The following AMPH variants were observed in gnomAD, a reference collection of about 807,000 sequenced individuals.
AMPH encodes amphiphysin (Stiff-Mann syndrome with breast cancer 128kD autoantigen).
A neutral mutation model predicts 99.1 loss-of-function variants in AMPH; 49 were observed. That is an observed-to-expected ratio of 0.49 (90% CI 0.39 to 0.63). AMPH has a LOEUF of 0.63. Among genes scored for constraint, AMPH ranks in the 20% least tolerant of loss-of-function variants. AMPH has a pLI of 0.00. For missense variants in AMPH, 759 were observed against 863.4 expected, an observed-to-expected ratio of 0.88 and a Z score of 1.52; for synonymous variants, 314 against 317.3, an observed-to-expected ratio of 0.99 and a Z score of 0.11.
At chr7:38,485,915 T>C (rs995991686) in intron 5 of AMPH, among the ~76,000 whole-genome samples, 3 of 151,896 alleles carry the variant, frequency 2.0e-5, no homozygotes, top group African/African-American at 7.2e-5. Flanking sequence ...TTAAAAAGTA[T>C]CTCAGCACAA....
chr7:38,422,465 A>G lies in AMPH; in HGVS notation c.1228T>C (p.Ser410Pro), dbSNP rs139811167. 42 of 1,613,420 alleles carry G rather than the reference A, an allele frequency of 2.6e-5. No homozygotes were observed. In the East Asian group the frequency reaches 7.6e-4, roughly 29 times the overall value. Residue 410 changes from serine (S) to proline (P), a missense_variant, in exon 16 of 21, where the codon TCA becomes CCA. This residue lies in a region of AMPH where 554 missense variants were observed against 575.6 expected (regional missense o/e 0.96). Transcript: ENST00000356264. ...FNGFTQPQDT[S>P]LFTMQTDQSM... ...TGGTCTGTCTGCATTGTGAATAATG[A>G]AGTATCCTGGGGCTGAAAATCAAGG...
chr7:38,501,195 T>C (rs1368611884), intron 3 of AMPH, among the ~76,000 whole-genome samples: 2 of 151,742 alleles, frequency 1.3e-5, no homozygotes, highest in Non-Finnish European at 1.5e-5. Flanking sequence ...AATCACTTTT[T>C]CTTTTCCTTT....
At chr7:38,500,805 G>C (rs1444000331) in intron 3 of AMPH, among the ~76,000 whole-genome samples, 1 of 151,178 alleles carries the variant, frequency 6.6e-6, no homozygotes, top group Admixed American at 6.6e-5. Flanking sequence ...AGTAATTAAT[G>C]ATGAGCTCCA....
chr7:38,392,454 T>C (rs1484094522), intron 18 of AMPH, among the ~76,000 whole-genome samples: 1 of 131,144 alleles, frequency 7.6e-6, no homozygotes, highest in Non-Finnish European at 1.6e-5. Flanking sequence ...TGACGCGATC[T>C]CAGCCCACTG....
chr7:38,626,166 A>T (rs967419426), intron 1 of AMPH, among the ~76,000 whole-genome samples: 2 of 152,074 alleles, frequency 1.3e-5, no homozygotes, highest in African/African-American at 4.8e-5. Context: ...TCTTTTTTTT[A>T]AATTTTACCT....
intron 7 of AMPH, among the ~76,000 whole-genome samples, chr7:38,472,698 G>T (rs1343178304): frequency 6.6e-6 from 1 of 152,174 alleles, no homozygotes; most frequent in Non-Finnish European, 1.5e-5. Context: ...GTCAGGTTTT[G>T]ATCGAAAGGC....
rs1419316426 is a variant in AMPH at position 38,391,857 on chromosome 7, G to A, written c.1769C>T (p.Pro590Leu). 2 of 1,613,018 alleles carry A rather than the reference G, an allele frequency of 1.2e-6. No homozygotes were observed. The highest frequency in any genetic ancestry group is 1.7e-6 in the Non-Finnish European group (2 of 1,179,742). Residue 590 changes from proline (P) to leucine (L), a missense_variant, in exon 19 of 21, where the codon CCT (proline) becomes CTT (leucine). By Grantham distance (98) the Pro-to-Leu change is moderately conservative (BLOSUM62 -3). Around this residue, in one of 2 missense-constraint regions of AMPH, gnomAD observed 554 missense variants for 575.6 expected, o/e 0.96. Coordinates refer to ENST00000356264, the MANE Select transcript of AMPH (RefSeq NM_001635.4). ...AGGCGTGGGCTGAGGGTCCTGGATA[G>A]GCTTCTGCTCCGTAGCCAGCTCCGG... ...ETPELATEQK[P>L]IQDPQPTPSA...
At chr7:38,447,466 T>A (rs1786832066) in intron 11 of AMPH, among the ~76,000 whole-genome samples, 2 of 152,184 alleles carry the variant, frequency 1.3e-5, no homozygotes, top group African/African-American at 4.8e-5. Flanking sequence ...TAACTATGCA[T>A]CCTTTTGGGC....
intron 14 of AMPH, among the ~76,000 whole-genome samples, chr7:38,427,665 G>C (rs1320306987): frequency 3.8e-5 from 1 of 25,992 alleles, no homozygotes; most frequent in Admixed American, 3.4e-4. Context: ...TTTTTTTTTG[G>C]TCAACCTATT....
At chr7:38,561,281 T>C (rs1485539470) in intron 1 of AMPH, among the ~76,000 whole-genome samples, 6 of 152,214 alleles carry the variant, frequency 3.9e-5, no homozygotes, top group Admixed American at 3.9e-4. Context: ...GACTGTTTAA[T>C]AGTTATCAAC....
chr7:38,472,424 G>A (rs902256762), intron 7 of AMPH, among the ~76,000 whole-genome samples: 1 of 152,070 alleles, frequency 6.6e-6, no homozygotes, highest in Non-Finnish European at 1.5e-5. Flanking sequence ...GTTTTTAAAT[G>A]CTACCTTTAG....
intron 6 of AMPH, 31 bp from the exon 7 acceptor site, chr7:38,475,447 T>C: frequency 6.9e-7 from 1 of 1,443,868 alleles, no homozygotes. Context: ...GTGTTTACAC[T>C]AAGAAAGACC....
intron 7 of AMPH, among the ~76,000 whole-genome samples, chr7:38,468,645 C>T (rs1787758452): frequency 1.3e-5 from 2 of 152,046 alleles, no homozygotes; most frequent in South Asian, 4.2e-4. Flanking sequence ...TGATTTTCTC[C>T]AATTTATGAA....
Position 38,604,407 on chromosome 7 carries a change from T to C in AMPH, c.69+26876A>G, listed in dbSNP as rs556385801. ...CTCTGCACCTTCGGCAAGCCCAGCA[T>C]GTCTGTGGACTGGGCAATGCTTGTG... On this transcript the variant is annotated intron_variant, in intron 1 of 20. Transcript: ENST00000356264. Among the ~76,000 whole-genome samples, 4 of 152,324 alleles carry C rather than the reference T, an allele frequency of 2.6e-5. No individual in the cohort carries two copies. In the East Asian group the frequency reaches 7.7e-4, roughly 29 times the overall value.
At chr7:38,505,281 G>A (rs956958661) in intron 2 of AMPH, among the ~76,000 whole-genome samples, 2 of 152,194 alleles carry the variant, frequency 1.3e-5, no homozygotes, top group African/African-American at 4.8e-5. Context: ...CATTGTGCAG[G>A]TATAGTGGCA....
chr7:38,406,735 T>TC lies in AMPH; in HGVS notation c.1398+11089dup, dbSNP rs1584048114. Among the ~76,000 whole-genome samples the TC allele has an allele frequency of 2.1e-3, 144 of 68,886 alleles. 1 individual carries two copies. The highest frequency in any genetic ancestry group is 3.7e-3 in the Non-Finnish European group (121 of 33,002). The allele number at this position is 68,886 out of a possible 152,430, so 45.2% of individuals were successfully genotyped here. On this transcript the variant is annotated intron_variant, in intron 17 of 20. Transcript: ENST00000356264. Reference sequence around the variant, plus strand: ...TCTCCTCTCTCTCTCCCTTTCCCTCTCTCTCTCTCTCTCTCTCTCTCTCTC... The same window carrying TC: ...TCTCCTCTCTCTCTCCCTTTCCCTCTCCTCTCTCTCTCTCTCTCTCTCTCTC...
chr7:38,474,157 T>C (rs1787997823), intron 7 of AMPH, among the ~76,000 whole-genome samples: 2 of 152,048 alleles, frequency 1.3e-5, no homozygotes, highest in Non-Finnish European at 2.9e-5. Context: ...CAAAAAATGA[T>C]AGATTGATTA....
chr7:38,585,284 C>T (rs1352200374), intron 1 of AMPH, among the ~76,000 whole-genome samples: 1 of 152,128 alleles, frequency 6.6e-6, no homozygotes, highest in East Asian at 1.9e-4. Flanking sequence ...AGGTCTGACT[C>T]GAGGTGGATG....
intron 2 of AMPH, among the ~76,000 whole-genome samples, chr7:38,517,751 G>T (rs1347300859): frequency 2.6e-5 from 4 of 152,132 alleles, no homozygotes; most frequent in Admixed American, 1.3e-4. Flanking sequence ...AGAACAAAAA[G>T]ATTTGAAAAT....
Sources: allele counts gnomAD v4.1 joint callset (sites outside exome capture counted in the v4.1 genomes callset), GRCh38; gene constraint gnomAD v4.1.1; regional missense constraint gnomAD v4.1.1; transcripts MANE v1.5; gene names NCBI Gene and HGNC (gene_info 2026-07-23, HGNC 2026-07-21).